The following ABI2 variants were observed in gnomAD, a reference collection of about 807,000 sequenced individuals.
The protein encoded by ABI2 is abl interactor 2.
In ABI2, 25 loss-of-function variants were observed where a neutral mutation model predicts 59.2. That is an observed-to-expected ratio of 0.42 (90% CI 0.31 to 0.59). The LOEUF is 0.59. ABI2 is among the 20% of genes least tolerant of loss of function. The pLI is 0.14. For synonymous variants in ABI2, 213 were observed against 235.5 expected, an observed-to-expected ratio of 0.90 and a Z score of 0.87; for missense variants, 545 against 681.8, an observed-to-expected ratio of 0.80 and a Z score of 2.23.
chr2:203,345,395 A>G (rs965324976), intron 1 of ABI2, among the ~76,000 whole-genome samples: 1 of 152,144 alleles, frequency 6.6e-6, no homozygotes, highest in Non-Finnish European at 1.5e-5. Context: ...GAACTGTAAC[A>G]TTCACGGCGA....
chr2:203,359,666 G>A (rs2093085098), intron 1 of ABI2, among the ~76,000 whole-genome samples: 1 of 152,122 alleles, frequency 6.6e-6, no homozygotes. Flanking sequence ...TTGATGACCT[G>A]TTCCTCATAA....
chr2:203,403,339 A>G (rs2097296797), intron 9 of ABI2: 1 of 154,820 alleles, frequency 6.5e-6, no homozygotes, highest in Non-Finnish European at 1.5e-5. Context: ...CAAATATTAG[A>G]CACCATGGCT....
At chr2:203,362,103 T>G (rs1480650791) in intron 1 of ABI2, among the ~76,000 whole-genome samples, 1 of 152,206 alleles carries the variant, frequency 6.6e-6, no homozygotes, top group Non-Finnish European at 1.5e-5. Context: ...GGACCCTGGA[T>G]GACATAGTTC....
chr2:203,384,930 G>A (rs901380593), intron 4 of ABI2, among the ~76,000 whole-genome samples: 52 of 151,476 alleles, frequency 3.4e-4, no homozygotes, highest in Non-Finnish European at 2.2e-4. Flanking sequence ...CGCCTCCCGG[G>A]TTCAGGCGAT....
chr2:203,427,433 G>GT lies in ABI2; in HGVS notation c.*82dup. On this transcript the variant is annotated 3_prime_UTR_variant, in exon 12 of 12. Transcript: ENST00000261018. Reference sequence around the variant, plus strand: ...TGAAGGCCCTGGGGATTCCACTCCAGTAAAGTAGAATGAAGGATACAAATG... The same window carrying GT: ...TGAAGGCCCTGGGGATTCCACTCCAGTTAAAGTAGAATGAAGGATACAAATG... The GT allele has an allele frequency of 8.0e-7, 1 of 1,245,284 alleles. No homozygotes were observed. Among genetic ancestry groups the GT allele is most frequent in the Non-Finnish European group, 1.1e-6 (1 of 901,338 alleles). 77.1% of individuals were successfully genotyped at this position (1,245,284 alleles called of 1,614,324 possible).
intron 1 of ABI2, among the ~76,000 whole-genome samples, chr2:203,364,210 C>G (rs1158195168): frequency 6.6e-6 from 1 of 151,836 alleles, no homozygotes; most frequent in Non-Finnish European, 1.5e-5. Flanking sequence ...TCTCCTGCCT[C>G]AGGCTCCTGA....
At chr2:203,372,923 C>T (rs1052547489) in intron 2 of ABI2, among the ~76,000 whole-genome samples, 2 of 152,080 alleles carry the variant, frequency 1.3e-5, no homozygotes, top group Admixed American at 6.5e-5. Flanking sequence ...GGCAGAGACG[C>T]TCCTCACTTC....
chr2:203,417,070 A>T lies in ABI2; in HGVS notation c.1442A>T (p.Tyr481Phe), dbSNP rs748459612. The T allele has an allele frequency of 1.2e-6, 2 of 1,609,328 alleles. No individual in the cohort carries two copies. Among genetic ancestry groups the T allele is most frequent in the Non-Finnish European group, 1.7e-6 (2 of 1,178,088 alleles). The change falls in exon 11 of 12, where the codon TAC (tyrosine) becomes TTC (phenylalanine). Residue 481 changes from tyrosine to phenylalanine, a missense_variant. Around this residue, in one of 4 missense-constraint regions of ABI2, gnomAD observed 44 missense variants for 106.4 expected, o/e 0.41. Coordinates refer to ENST00000261018, the MANE Select transcript of ABI2 (RefSeq NM_001375670.1). Reference sequence around the variant, plus strand: ...GACCCACCGTGGGCTCCACGTTCTTACTTGGAAAAGGGTAAGTTTCAGAAG... The same window carrying T: ...GACCCACCGTGGGCTCCACGTTCTTTCTTGGAAAAGGGTAAGTTTCAGAAG... ...EEDPPWAPRSYLEKVVAIYDY... is the reference protein window; with the variant it reads ...EEDPPWAPRSFLEKVVAIYDY...
chr2:203,427,103 A>G, intron 11 of ABI2, 74 bp from the exon 12 acceptor site: 1 of 1,336,238 alleles, frequency 7.5e-7, no homozygotes, highest in Non-Finnish European at 1.1e-6. Flanking sequence ...ACAGATAGCT[A>G]TTCACTGGCT....
At chr2:203,382,347 A>G (rs2096190670) in intron 4 of ABI2, 141 bp downstream of exon 4, 1 of 751,808 alleles carries the variant, frequency 1.3e-6, no homozygotes, top group Non-Finnish European at 2.1e-6. Context: ...TTGTCATGCA[A>G]CTTTGTGGTG....
intron 8 of ABI2, among the ~76,000 whole-genome samples, chr2:203,400,205 A>T (rs1416736606): frequency 4.1e-5 from 6 of 145,418 alleles, no homozygotes; most frequent in Non-Finnish European, 8.9e-5. Flanking sequence ...CTCCTGCCGT[A>T]GCCTCCTGAG....
chr2:203,415,712 A>G (rs1486528143), intron 10 of ABI2, among the ~76,000 whole-genome samples: 1 of 152,034 alleles, frequency 6.6e-6, no homozygotes, highest in Non-Finnish European at 1.5e-5. Context: ...AGAGAGTCAC[A>G]TGGGAACTAT....
intron 2 of ABI2, among the ~76,000 whole-genome samples, chr2:203,379,861 C>T (rs979292554): frequency 1.3e-5 from 2 of 152,214 alleles, no homozygotes; most frequent in Non-Finnish European, 2.9e-5. Flanking sequence ...GGCTGTATTC[C>T]AATAAAACTT....
rs1440625338 is a variant in ABI2 at position 203,392,308 on chromosome 2, CCACCACCAA to C, written c.578+1168_578+1176del. On this transcript the variant is annotated intron_variant, in intron 5 of 11. Transcript: ENST00000261018. ...ACCACCACCACCACCACCACCACCA[CCACCACCAA>C]CAACAACAACAACAACAACAACAAC... 5.2e-4 allele frequency among the ~76,000 whole-genome samples: 55 copies of C among 106,536 alleles called. 1 individual carries two copies. Among genetic ancestry groups the C allele is most frequent in the African/African-American group, 1.2e-3 (31 of 26,418 alleles). The allele number at this position is 106,536 out of a possible 152,430, so 69.9% of individuals were successfully genotyped here. A position where few individuals can be genotyped will look rare whatever the true frequency, so the allele number is the denominator to read the frequency against.
chr2:203,402,200 A>G (rs1199779507), intron 8 of ABI2, among the ~76,000 whole-genome samples: 2 of 151,936 alleles, frequency 1.3e-5, no homozygotes, highest in East Asian at 3.9e-4. Context: ...ATACCTGGCT[A>G]ATTTTTGTGT....
At chr2:203,387,723 G>A (rs983799262) in intron 4 of ABI2, among the ~76,000 whole-genome samples, 2 of 152,220 alleles carry the variant, frequency 1.3e-5, no homozygotes, top group Non-Finnish European at 2.9e-5. Flanking sequence ...TGCTGTGTGT[G>A]CCTGATGATA....
Position 203,428,604 on chromosome 2 carries a change from C to T in ABI2, c.*1252C>T, listed in dbSNP as rs565606640. ...CATTGATAAAAATTAATATAACTGA[C>T]ACAATAAAACACATTTCCCCCATCT... On this transcript the variant is annotated 3_prime_UTR_variant, in exon 12 of 12. Coordinates refer to ENST00000261018, the MANE Select transcript of ABI2 (RefSeq NM_001375670.1). 1 of 152,432 alleles carries T rather than the reference C, an allele frequency of 6.6e-6. No individual in the cohort carries two copies. Among genetic ancestry groups the T allele is most frequent in the South Asian group, 2.1e-4 (1 of 4,836 alleles). 9.4% of individuals were successfully genotyped at this position (152,432 alleles called of 1,614,324 possible). A position where few individuals can be genotyped will look rare whatever the true frequency, so the allele number is the denominator to read the frequency against.
rs1298108245 is a variant in ABI2, at chr2:203,372,361, C to T, written c.285+5317C>T. ...ACAGACACGGCAACCATCCGATTTC[C>T]CAATCTTTTCCCCACCTTTCCCCCC... is the stretch of plus-strand genomic sequence containing the variant. On this transcript the variant is annotated intron_variant, in intron 2 of 11. Transcript: ENST00000261018. Among the ~76,000 whole-genome samples, 830 of 152,274 alleles carry T rather than the reference C, an allele frequency of 5.5e-3. 8 individuals are homozygous for T. The highest frequency in any genetic ancestry group is 0.018 in the African/African-American group (751 of 41,532).
At chr2:203,344,248 T>A (rs2081771314) in intron 1 of ABI2, among the ~76,000 whole-genome samples, 1 of 152,226 alleles carries the variant, frequency 6.6e-6, no homozygotes, top group Non-Finnish European at 1.5e-5. Flanking sequence ...ATTAATAATA[T>A]TCATAGAAAG....
Sources: gnomAD v4.1 joint callset for allele counts (sites outside exome capture counted in the v4.1 genomes callset) on GRCh38, gnomAD v4.1.1 for gene constraint, gnomAD v4.1.1 regional missense constraint, MANE v1.5 for transcripts, NCBI Gene and HGNC (gene_info 2026-07-23, HGNC 2026-07-21) for gene names.